Variants in AOPEP observed in about 807,000 individuals in gnomAD.
AOPEP encodes the protein aminopeptidase O (putative).
Under a neutral mutation model 98.1 loss-of-function variants are expected in AOPEP, and 77 were observed. The observed-to-expected ratio is 0.78, with a 90% confidence interval of 0.65 to 0.95. The LOEUF (loss-of-function observed/expected upper bound fraction) is 0.95, where lower values mean the gene tolerates loss of function less well. AOPEP is among the 40% of genes least tolerant of loss of function. The pLI, the probability that AOPEP is intolerant of heterozygous loss-of-function variation, is 0.00. For missense variants in AOPEP, 1,024 were observed against 1,024.7 expected (o/e 1.00, Z 0.01); for synonymous variants, 346 against 365.3 (o/e 0.95, Z 0.60).
the AOPEP span, among the ~76,000 whole-genome samples, chr9:95,135,032 C>T: frequency 1.3e-5 from 2 of 152,138 alleles, no homozygotes; most frequent in Non-Finnish European, 2.9e-5. Flanking sequence ...ATGTTCATTT[C>T]CAAAAACTTA....
chr9:95,025,762 G>C (rs2063788504), intron 13 of AOPEP, among the ~76,000 whole-genome samples: 1 of 152,176 alleles, frequency 6.6e-6, no homozygotes, highest in South Asian at 2.1e-4. Context: ...TTTCCTAATT[G>C]TTCAGAGTGC....
rs886858007 is a variant in AOPEP, at chr9:95,037,151, T to C, written c.2116-23543T>C. 4.6e-5 allele frequency among the ~76,000 whole-genome samples: 7 copies of C among 152,302 alleles called. No individual in the cohort carries two copies. In the South Asian group the frequency reaches 1.5e-3, roughly 32 times the overall value. ...CTAAAAAGACCTCACAGCAGTATTATTGATTTGGTTTTAAATAGCTATTTT... is the reference window on the plus strand; with the variant it reads ...CTAAAAAGACCTCACAGCAGTATTACTGATTTGGTTTTAAATAGCTATTTT... On this transcript the variant is annotated intron_variant, in intron 13 of 16. Transcript: ENST00000375315.
chr9:95,077,980 G>A (rs753680880), intron 14 of AOPEP, among the ~76,000 whole-genome samples: 1 of 152,008 alleles, frequency 6.6e-6, no homozygotes, highest in African/African-American at 2.4e-5. Context: ...TCCTGTCGCC[G>A]AAATATTGAC....
At chr9:94,862,256 A>C (rs1050018600) in intron 5 of AOPEP, among the ~76,000 whole-genome samples, 1 of 152,196 alleles carries the variant, frequency 6.6e-6, no homozygotes, top group African/African-American at 2.4e-5. Context: ...GGACCCCCAC[A>C]GAAAAACAGT....
intron 5 of AOPEP, among the ~76,000 whole-genome samples, chr9:94,883,120 A>G (rs2047784937): frequency 6.6e-6 from 1 of 152,162 alleles, no homozygotes; most frequent in South Asian, 2.1e-4. Context: ...CTCACCCACA[A>G]ACCTCCAGTT....
At chr9:94,996,235 T>C (rs2061219647) in intron 11 of AOPEP, among the ~76,000 whole-genome samples, 1 of 152,140 alleles carries the variant, frequency 6.6e-6, no homozygotes, top group African/African-American at 2.4e-5. Context: ...AACACCTCCT[T>C]GTATGGCACT....
At chr9:95,024,994 A>G (rs2063730885) in intron 13 of AOPEP, among the ~76,000 whole-genome samples, 1 of 152,236 alleles carries the variant, frequency 6.6e-6, no homozygotes, top group African/African-American at 2.4e-5. Flanking sequence ...GATAATAGGT[A>G]TACATAGTTT....
chr9:94,966,101 T>C (rs1012051393), intron 9 of AOPEP, among the ~76,000 whole-genome samples: 1 of 144,986 alleles, frequency 6.9e-6, no homozygotes, highest in African/African-American at 2.7e-5. Context: ...GAGTCCTGTG[T>C]AGAGTCTGTA....
the AOPEP span, among the ~76,000 whole-genome samples, chr9:95,098,809 C>T: frequency 2.0e-5 from 3 of 152,198 alleles, no homozygotes; most frequent in South Asian, 2.1e-4. Flanking sequence ...AGATATGAAA[C>T]GCATGTAACC....
At chr9:94,981,668 GCAGGAGGCTTGT>G (rs1228496625) in intron 11 of AOPEP, among the ~76,000 whole-genome samples, 1 of 152,168 alleles carries the variant, frequency 6.6e-6, no homozygotes, top group African/African-American at 2.4e-5. Context: ...CCCTCCGGTT[GCAGGAGGCTTGT>G]GGTGAATGGG....
intron 14 of AOPEP, among the ~76,000 whole-genome samples, chr9:95,079,586 G>C (rs1008659361): frequency 2.6e-5 from 4 of 152,200 alleles, no homozygotes; most frequent in Non-Finnish European, 4.4e-5. Flanking sequence ...TCTTCTTGTA[G>C]AGCATGTGCC....
chr9:94,928,540 G>A lies in AOPEP; in HGVS notation c.1661+9G>A, dbSNP rs2054752454. On this transcript the variant is annotated intron_variant, in intron 7 of 16. Transcript: ENST00000375315. ...GAGATGCAGGTGTTAAGGTAAAGCT[G>A]CATGGTGATCCACAGCCCTCTCATT... 2.6e-6 allele frequency: 4 copies of A among 1,540,924 alleles called. No individual in the cohort carries two copies. Among genetic ancestry groups the A allele is most frequent in the South Asian group, 1.2e-5 (1 of 83,872 alleles).
intron 5 of AOPEP, among the ~76,000 whole-genome samples, chr9:94,893,429 G>C (rs921298077): frequency 6.6e-6 from 1 of 152,160 alleles, no homozygotes; most frequent in Non-Finnish European, 1.5e-5. Flanking sequence ...TTTCATGGAT[G>C]AGTCCAGACT....
downstream of AOPEP, among the ~76,000 whole-genome samples, chr9:95,090,707 G>T (rs1261767700): frequency 6.6e-6 from 1 of 152,214 alleles, no homozygotes; most frequent in African/African-American, 2.4e-5. Flanking sequence ...ACCACAGCCA[G>T]GGGTATAAGG....
intron 13 of AOPEP, among the ~76,000 whole-genome samples, chr9:95,028,970 C>T (rs1035174251): frequency 1.3e-5 from 2 of 152,204 alleles, no homozygotes; most frequent in Admixed American, 1.3e-4. Flanking sequence ...GAGATACTAG[C>T]CTAGTGTGTC....
intron 10 of AOPEP, among the ~76,000 whole-genome samples, chr9:94,977,445 G>GTCC (rs979183116): frequency 1.3e-5 from 2 of 152,072 alleles, no homozygotes; most frequent in African/African-American, 4.8e-5. Flanking sequence ...TCTCTAGCTG[G>GTCC]TCAGTTAGCC....
chr9:94,858,568 A>G (rs1359679722), intron 5 of AOPEP, among the ~76,000 whole-genome samples: 1 of 152,038 alleles, frequency 6.6e-6, no homozygotes, highest in African/African-American at 2.4e-5. Flanking sequence ...TGGCCACATC[A>G]CTCCAGTCTT....
At chr9:94,807,956 A>G (rs552546651) in intron 5 of AOPEP, among the ~76,000 whole-genome samples, 1 of 152,338 alleles carries the variant, frequency 6.6e-6, no homozygotes, top group African/African-American at 2.4e-5. Context: ...GCCTGTTTGC[A>G]TAAAGTGGGT....
At chr9:95,055,319 G>A (rs1158100096) in intron 13 of AOPEP, among the ~76,000 whole-genome samples, 1 of 152,190 alleles carries the variant, frequency 6.6e-6, no homozygotes, top group Non-Finnish European at 1.5e-5. Flanking sequence ...CTGCACCTGG[G>A]TTCTGTGGCT....
Sources: gnomAD v4.1 joint callset for allele counts (sites outside exome capture counted in the v4.1 genomes callset) on GRCh38, gnomAD v4.1.1 for gene constraint, MANE v1.5 for transcripts, NCBI Gene and HGNC (gene_info 2026-07-23, HGNC 2026-07-21) for gene names.